Variants in ADGRL3 observed in about 807,000 individuals in gnomAD.
ADGRL3 encodes calcium-independent alpha-latrotoxin receptor 3.
In ADGRL3, 62 loss-of-function variants were observed where a neutral mutation model predicts 153.5. The observed-to-expected ratio is 0.40, with a 90% CI of 0.33 to 0.50. The LOEUF (loss-of-function observed/expected upper bound fraction) is 0.50, where lower values mean the gene tolerates loss of function less well. Among genes scored for constraint, ADGRL3 ranks in the 20% least tolerant of loss-of-function variants. The probability of loss-of-function intolerance (pLI) is 0.47; values close to 1 mark genes in which losing one functional copy is unlikely to be tolerated. For synonymous variants in ADGRL3, 710 were observed against 672.5 expected, an observed-to-expected ratio of 1.06 and a Z score of -0.86; for missense variants, 1,641 against 1,859.4, an observed-to-expected ratio of 0.88 and a Z score of 2.16.
intron 8 of ADGRL3, among the ~76,000 whole-genome samples, chr4:61,779,057 CAA>C (rs768930407): frequency 9.3e-6 from 1 of 108,000 alleles, no homozygotes. Context: ...GACTCTGTCT[CAA>C]AAAAAAAAAA....
intron 9 of ADGRL3, among the ~76,000 whole-genome samples, chr4:61,814,324 A>T (rs569654571): frequency 6.6e-6 from 1 of 151,192 alleles, no homozygotes; most frequent in Non-Finnish European, 1.5e-5. Flanking sequence ...AAGTCATTTT[A>T]TATTAACATC....
chr4:62,031,555 T>C lies in ADGRL3; in HGVS notation c.3536T>C (p.Phe1179Ser). The change falls in exon 23 of 27, where the codon TTC (phenylalanine) becomes TCC (serine). Residue 1179 changes from phenylalanine (F) to serine (S), a missense_variant. Phe to Ser is a radical substitution (Grantham distance 155). Around this residue, in one of 5 missense-constraint regions of ADGRL3, gnomAD observed 517 missense variants for 555.0 expected, o/e 0.93. Transcript: ENST00000683033. ...ATCATGGCCTATCTCTTCACCATTT[T>C]CAATTCTCTACAGGGAATGTTTATA... is the stretch of plus-strand genomic sequence containing the variant. Reference protein sequence around the residue: ...TVIMAYLFTIFNSLQGMFIFI... With the variant: ...TVIMAYLFTISNSLQGMFIFI... The C allele has an allele frequency of 6.2e-7, 1 of 1,610,430 alleles. No homozygotes were observed. Among genetic ancestry groups the C allele is most frequent in the Non-Finnish European group, 8.5e-7 (1 of 1,177,360 alleles).
chr4:61,361,415 AAAGTAT>A, intron 1 of ADGRL3, among the ~76,000 whole-genome samples: 1 of 152,302 alleles, frequency 6.6e-6, no homozygotes, highest in East Asian at 1.9e-4. Context: ...GTTGAGCCTT[AAAGTAT>A]AAATAACATT....
At chr4:61,798,506 A>G (rs2097442907) in intron 8 of ADGRL3, among the ~76,000 whole-genome samples, 1 of 152,214 alleles carries the variant, frequency 6.6e-6, no homozygotes, top group Non-Finnish European at 1.5e-5. Flanking sequence ...TTTTTGCCAA[A>G]TGATTCTTGG....
intron 1 of ADGRL3, among the ~76,000 whole-genome samples, chr4:61,349,476 A>T (rs1160198117): frequency 6.6e-6 from 1 of 152,074 alleles, no homozygotes; most frequent in Non-Finnish European, 1.5e-5. Flanking sequence ...TTTAGCAATA[A>T]ATCTCTCTTT....
chr4:61,938,662 T>C (rs2098850523), intron 15 of ADGRL3, among the ~76,000 whole-genome samples: 1 of 152,032 alleles, frequency 6.6e-6, no homozygotes, highest in Non-Finnish European at 1.5e-5. Context: ...CTGTACCACT[T>C]CCTGCTTCTT....
At chr4:61,775,387 CTTT>C (rs987898374) in intron 8 of ADGRL3, 4 of 459,936 alleles carry the variant, frequency 8.7e-6, no homozygotes, top group Non-Finnish European at 1.6e-5. Flanking sequence ...CTAAAATTTT[CTTT>C]TTTTTCTTTC....
intron 1 of ADGRL3, among the ~76,000 whole-genome samples, chr4:61,363,887 G>T (rs879084383): frequency 6.6e-6 from 1 of 151,950 alleles, no homozygotes; most frequent in South Asian, 2.1e-4. Flanking sequence ...ATTTGTAATC[G>T]AGCAGCCTGT....
intron 9 of ADGRL3, among the ~76,000 whole-genome samples, chr4:61,885,782 C>T (rs186486175): frequency 9.9e-5 from 15 of 152,186 alleles, no homozygotes; most frequent in Admixed American, 2.0e-4. Flanking sequence ...TATGTAAGCT[C>T]GGGGGAATTA....
At chr4:61,533,864 A>C (rs2098638613) in intron 4 of ADGRL3, among the ~76,000 whole-genome samples, 1 of 152,140 alleles carries the variant, frequency 6.6e-6, no homozygotes, top group African/African-American at 2.4e-5. Context: ...CTTAGTGAAA[A>C]AGTGCTATAT....
intron 2 of ADGRL3, among the ~76,000 whole-genome samples, chr4:61,468,678 AAC>A (rs1279825091): frequency 6.6e-6 from 1 of 152,216 alleles, no homozygotes; most frequent in South Asian, 2.1e-4. Flanking sequence ...GATAATTATT[AAC>A]AATTGTGAGA....
chr4:61,861,837 G>A (rs2098343093), intron 9 of ADGRL3, among the ~76,000 whole-genome samples: 2 of 152,120 alleles, frequency 1.3e-5, no homozygotes, highest in African/African-American at 4.8e-5. Context: ...TGCTGGGCTT[G>A]ATTACTTGAA....
At chr4:61,741,907 A>C (rs1481876217) in intron 8 of ADGRL3, among the ~76,000 whole-genome samples, 1 of 152,272 alleles carries the variant, frequency 6.6e-6, no homozygotes, top group Non-Finnish European at 1.5e-5. Context: ...CATGAAATCA[A>C]AATCATTTAT....
intron 9 of ADGRL3, among the ~76,000 whole-genome samples, chr4:61,870,279 A>G (rs990894919): frequency 6.6e-6 from 1 of 152,126 alleles, no homozygotes; most frequent in Non-Finnish European, 1.5e-5. Flanking sequence ...ATGGGGTTGG[A>G]CCTATCCCTT....
At chr4:61,215,433 C>T (rs751457833) in intron 1 of ADGRL3, among the ~76,000 whole-genome samples, 4 of 151,932 alleles carry the variant, frequency 2.6e-5, no homozygotes, top group Non-Finnish European at 4.4e-5. Context: ...TCTTGAAAGC[C>T]AGACTCTCCT....
At position 61,979,609 on chromosome 4, in the gene ADGRL3, T is replaced by C. The variant is rs1376731758; in HGVS notation, c.2852T>C (p.Val951Ala). The C allele has an allele frequency of 3.1e-6, 5 of 1,613,798 alleles. No homozygotes were observed. The highest frequency in any genetic ancestry group is 2.7e-5 in the African/African-American group (2 of 74,906). Residue 951 changes from valine to alanine, a missense_variant, in exon 18 of 27, where the codon GTT becomes GCT. Coordinates refer to ENST00000683033, the MANE Select transcript of ADGRL3 (RefSeq NM_001387552.1). ...CTCCTTCTGGATGTGATCACGTGGG[T>C]TGGAATTTTGCTGTCCCTTGTTTGT... ...HDLLLDVITW[V>A]GILLSLVCLL...
At chr4:61,507,550 T>C (rs1315537265) in intron 3 of ADGRL3, among the ~76,000 whole-genome samples, 2 of 152,208 alleles carry the variant, frequency 1.3e-5, no homozygotes, top group African/African-American at 4.8e-5. Context: ...TAACGGAAAT[T>C]AAGATGTGAT....
At chr4:61,785,193 G>A (rs1319427389) in intron 8 of ADGRL3, among the ~76,000 whole-genome samples, 3 of 152,170 alleles carry the variant, frequency 2.0e-5, no homozygotes. Flanking sequence ...AGAAGCTTTG[G>A]AAGAGAAAGT....
At chr4:61,796,733 T>C (rs988227855) in intron 8 of ADGRL3, among the ~76,000 whole-genome samples, 13 of 152,204 alleles carry the variant, frequency 8.5e-5, no homozygotes, top group African/African-American at 3.1e-4. Flanking sequence ...ATAATTTTTA[T>C]TAGTAATTGT....
Sources: gnomAD v4.1 joint callset for allele counts (sites outside exome capture counted in the v4.1 genomes callset) on GRCh38, gnomAD v4.1.1 for gene constraint, gnomAD v4.1.1 regional missense constraint, MANE v1.5 for transcripts, NCBI Gene and HGNC (gene_info 2026-07-23, HGNC 2026-07-21) for gene names.